The following SUPT3H variants were observed in gnomAD, a reference collection of about 807,000 sequenced individuals.
SUPT3H encodes transcription initiation protein SPT3 homolog.
A neutral mutation model predicts 44.3 loss-of-function variants in SUPT3H; 44 were observed. That is an observed-to-expected ratio of 0.99 (90% CI 0.78 to 1.28). The LOEUF (loss-of-function observed/expected upper bound fraction) is 1.28. Among genes scored for constraint, SUPT3H ranks in the 50% most tolerant of loss-of-function variants. SUPT3H has a pLI of 0.00. For synonymous variants in SUPT3H, 124 were observed against 125.6 expected (o/e 0.99, Z 0.09); for missense variants, 380 against 387.1 (o/e 0.98, Z 0.15).
intron 2 of SUPT3H, among the ~76,000 whole-genome samples, chr6:45,255,182 T>TAG (rs961916768): frequency 1.2e-4 from 18 of 151,942 alleles, no homozygotes; most frequent in South Asian, 2.1e-4. Flanking sequence ...ACTATATATA[T>TAG]AGAGAGAGAG....
chr6:45,078,620 T>A (rs1347589101), intron 3 of SUPT3H, among the ~76,000 whole-genome samples: 3 of 152,200 alleles, frequency 2.0e-5, no homozygotes, highest in African/African-American at 4.8e-5. Flanking sequence ...TCCCTCAGCT[T>A]TTGCTCCTCT....
rs560622963 is a variant in SUPT3H at position 45,084,799 on chromosome 6, A to G, written c.186+21123T>C. The stretch of plus-strand genomic sequence containing the variant: ...TGCAGCCATAAAAAAGAATGAAATC[A>G]TGTCCTTTGCAGAAACATTGATATA... On this transcript the variant is annotated intron_variant, in intron 3 of 10. Transcript: ENST00000371459. 2.0e-5 allele frequency among the ~76,000 whole-genome samples: 3 copies of G among 152,328 alleles called. No homozygotes were observed. In the South Asian group the frequency reaches 6.2e-4, roughly 32 times the overall value.
At chr6:44,826,055 G>A (rs532041117), downstream of SUPT3H, among the ~76,000 whole-genome samples, 6 of 152,252 alleles carry the variant, frequency 3.9e-5, 1 homozygote, top group South Asian at 4.1e-4. Context: ...TGCAAGTCTC[G>A]TCTCTTTCTT....
intron 10 of SUPT3H, among the ~76,000 whole-genome samples, chr6:44,869,945 C>T (rs531886983): frequency 3.9e-5 from 6 of 152,284 alleles, no homozygotes; most frequent in African/African-American, 1.4e-4. Context: ...CATTTCCCTG[C>T]CTCTAAATTT....
intron 10 of SUPT3H, among the ~76,000 whole-genome samples, chr6:44,886,062 G>A (rs1367154955): frequency 1.3e-5 from 2 of 152,080 alleles, no homozygotes; most frequent in African/African-American, 2.4e-5. Flanking sequence ...GGGAAGTTTA[G>A]AGAAAAAAGA....
chr6:45,120,433 AAAAAAAAAG>A (rs1162180002), intron 2 of SUPT3H, among the ~76,000 whole-genome samples: 3 of 148,410 alleles, frequency 2.0e-5, no homozygotes, highest in Admixed American at 6.7e-5. Context: ...AAAAAAAAAA[AAAAAAAAAG>A]ACTATATAAG....
At chr6:45,114,039 A>T (rs1800475774) in intron 2 of SUPT3H, among the ~76,000 whole-genome samples, 1 of 152,002 alleles carries the variant, frequency 6.6e-6, no homozygotes, top group Non-Finnish European at 1.5e-5. Flanking sequence ...AAGATATATA[A>T]AAAGCAAAAT....
At chr6:45,172,293 G>A (rs1010944977) in intron 2 of SUPT3H, among the ~76,000 whole-genome samples, 24 of 151,472 alleles carry the variant, frequency 1.6e-4, no homozygotes, top group Admixed American at 1.2e-3. Flanking sequence ...GAATGGTCTC[G>A]ATCTCTGGAC....
intron 10 of SUPT3H, among the ~76,000 whole-genome samples, chr6:44,872,500 G>A (rs1449880431): frequency 1.1e-4 from 17 of 151,540 alleles, no homozygotes; most frequent in Non-Finnish European, 2.1e-4. Context: ...TGAAGGAAGT[G>A]CTAAACATGG....
At chr6:44,947,578 T>C (rs1414574237) in intron 9 of SUPT3H, among the ~76,000 whole-genome samples, 1 of 152,166 alleles carries the variant, frequency 6.6e-6, no homozygotes, top group Non-Finnish European at 1.5e-5. Context: ...TCTTTGGCAG[T>C]AACTAACAAG....
intron 10 of SUPT3H, among the ~76,000 whole-genome samples, chr6:44,856,201 T>C (rs1014636570): frequency 3.9e-5 from 6 of 152,128 alleles, no homozygotes; most frequent in Non-Finnish European, 8.8e-5. Flanking sequence ...AGTGAATGAA[T>C]AAGTGAAAAG....
intron 5 of SUPT3H, 46 bp downstream of exon 5, chr6:45,014,755 A>G: frequency 1.5e-6 from 2 of 1,363,506 alleles, no homozygotes; most frequent in Non-Finnish European, 1.0e-6. Flanking sequence ...TCCAGCACAC[A>G]TGTGTCATAA....
intron 2 of SUPT3H, among the ~76,000 whole-genome samples, chr6:45,217,486 A>AT (rs1442076642): frequency 3.3e-5 from 5 of 152,116 alleles, no homozygotes; most frequent in African/African-American, 1.2e-4. Context: ...AAAATAAAAT[A>AT]AAATAAAATA....
chr6:45,232,656 G>T (rs914184119), intron 2 of SUPT3H, among the ~76,000 whole-genome samples: 45 of 152,208 alleles, frequency 3.0e-4, no homozygotes, highest in Admixed American at 2.9e-3. Flanking sequence ...ATCCTCTGGG[G>T]CCCAAGTGTT....
intron 10 of SUPT3H, among the ~76,000 whole-genome samples, chr6:44,888,415 C>T (rs1196499243): frequency 6.6e-6 from 1 of 152,128 alleles, no homozygotes; most frequent in African/African-American, 2.4e-5. Flanking sequence ...AGCTTATCCA[C>T]CATGATCAAG....
intron 3 of SUPT3H, among the ~76,000 whole-genome samples, chr6:45,083,724 A>G (rs1035519152): frequency 6.6e-6 from 1 of 151,980 alleles, no homozygotes; most frequent in African/African-American, 2.4e-5. Flanking sequence ...ACCAAACACC[A>G]TCGGTCTAGT....
chr6:45,230,687 T>TATATATATATATATATATATATATATATA (rs1562747092), intron 2 of SUPT3H, among the ~76,000 whole-genome samples: 12 of 99,692 alleles, frequency 1.2e-4, no homozygotes, highest in East Asian at 4.4e-4. Context: ...TATATATATA[T>TATATATATATATATATATATATATATATA]TTTTGAGATG....
Position 45,276,100 on chromosome 6 carries a change from TAAC to T in SUPT3H, c.101+89098_101+89100del, listed in dbSNP as rs780358107. ...ACAATTCCAGTCGCAGAATTTATGCTAACAACGCACTAAAATATTCTGCTATTT... is the reference window on the plus strand; with the variant it reads ...ACAATTCCAGTCGCAGAATTTATGCTAACGCACTAAAATATTCTGCTATTT... On this transcript the variant is annotated intron_variant, in intron 2 of 10. Coordinates refer to ENST00000371459, the MANE Select transcript of SUPT3H (RefSeq NM_003599.4). Among the ~76,000 whole-genome samples the T allele has an allele frequency of 2.8e-3, 423 of 152,192 alleles. 1 individual carries two copies. The highest frequency in any genetic ancestry group is 3.4e-3 in the Middle Eastern group (1 of 294).
chr6:45,170,363 C>G (rs533590692), intron 2 of SUPT3H, among the ~76,000 whole-genome samples: 1 of 152,134 alleles, frequency 6.6e-6, no homozygotes, highest in Non-Finnish European at 1.5e-5. Flanking sequence ...TTAAAACAAA[C>G]AGTAACATGA....
Sources: allele counts gnomAD v4.1 joint callset (sites outside exome capture counted in the v4.1 genomes callset), GRCh38; gene constraint gnomAD v4.1.1; transcripts MANE v1.5; gene names NCBI Gene and HGNC (gene_info 2026-07-23, HGNC 2026-07-21).